Variants in G2E3 observed in about 807,000 individuals in gnomAD.
The protein encoded by G2E3 is G2/M phase-specific E3 ubiquitin-protein ligase.
A neutral mutation model predicts 92.8 loss-of-function variants in G2E3; 35 were observed. The ratio of observed to expected loss-of-function variants is 0.38; its 90% confidence interval spans 0.29 to 0.50. The LOEUF (loss-of-function observed/expected upper bound fraction) is 0.50, where lower values mean the gene tolerates loss of function less well. G2E3 is among the 20% of genes least tolerant of loss of function. The pLI is 0.94. For missense variants in G2E3, 554 were observed against 823.8 expected (o/e 0.67, Z 4.01); for synonymous variants, 242 against 272.4 (o/e 0.89, Z 1.10).
chr14:30,572,299 C>T (rs1461219936), intron 1 of G2E3, among the ~76,000 whole-genome samples: 2 of 152,092 alleles, frequency 1.3e-5, no homozygotes, highest in African/African-American at 4.8e-5. Flanking sequence ...ACAGTTTTGT[C>T]TTCTTTTCCC....
At chr14:30,593,769 A>G (rs1881135837) in intron 6 of G2E3, 130 bp downstream of exon 6, 1 of 652,596 alleles carries the variant, frequency 1.5e-6, no homozygotes, top group Non-Finnish European at 2.6e-6. Context: ...ACAGCTTTAA[A>G]GCACTTAATT....
chr14:30,581,058 TA>T lies in G2E3; in HGVS notation c.-4-16del. ...ACTTTTACAATTAAGATGACTGTAT[TA>T]ATGTTATTTTTCCTAGTAAAATGAA... On this transcript the variant is annotated splice_polypyrimidine_tract_variant and intron_variant, in intron 1 of 14. Coordinates refer to ENST00000206595, the MANE Select transcript of G2E3 (RefSeq NM_017769.5). 7.5e-7 allele frequency: 1 copy of T among 1,327,034 alleles called. No homozygotes were observed. The highest frequency in any genetic ancestry group is 1.1e-6 in the Non-Finnish European group (1 of 920,528). The allele number at this position is 1,327,034 out of a possible 1,614,324, so 82.2% of individuals were successfully genotyped here. A position where few individuals can be genotyped will look rare whatever the true frequency, so the allele number is the denominator to read the frequency against.
intron 1 of G2E3, chr14:30,559,576 C>G (rs1340780322): frequency 6.6e-6 from 1 of 152,092 alleles, no homozygotes; most frequent in Non-Finnish European, 1.5e-5. Flanking sequence ...TTTTTAAACC[C>G]GTAGTTTATT....
At chr14:30,564,623 C>G (rs1291013724) in intron 1 of G2E3, among the ~76,000 whole-genome samples, 2 of 152,180 alleles carry the variant, frequency 1.3e-5, no homozygotes, top group Non-Finnish European at 2.9e-5. Flanking sequence ...TGTGAGCCAC[C>G]ATGCCCAGTC....
chr14:30,609,276 G>A (rs534457792), intron 12 of G2E3, among the ~76,000 whole-genome samples: 34 of 151,674 alleles, frequency 2.2e-4, no homozygotes, highest in African/African-American at 7.3e-4. Flanking sequence ...TCTCTACTTC[G>A]TATTTCCTAT....
At chr14:30,581,740 C>CT in intron 2 of G2E3, among the ~76,000 whole-genome samples, 1 of 152,148 alleles carries the variant, frequency 6.6e-6, no homozygotes, top group African/African-American at 2.4e-5. Flanking sequence ...AAAAGGAAAA[C>CT]TTACCTCTAC....
At chr14:30,612,872 G>T (rs1296807390) in intron 13 of G2E3, among the ~76,000 whole-genome samples, 2 of 152,012 alleles carry the variant, frequency 1.3e-5, no homozygotes, top group Non-Finnish European at 2.9e-5. Context: ...AATGAAAAAA[G>T]AATTGTGTAA....
At position 30,616,973 on chromosome 14, in the gene G2E3, T is replaced by C. The variant is rs1882340511; in HGVS notation, c.*439T>C. The C allele has an allele frequency of 1.3e-5, 2 of 153,246 alleles. No individual in the cohort carries two copies. The highest frequency in any genetic ancestry group is 2.4e-5 in the African/African-American group (1 of 41,452). 9.5% of individuals were successfully genotyped at this position (153,246 alleles called of 1,614,324 possible). ...TAAAGCATTAAATAGAAAAGCTAAT[T>C]GGTTAAATTTTGTTATATAAATCAG... On this transcript the variant is annotated 3_prime_UTR_variant, in exon 15 of 15. Coordinates refer to ENST00000206595, the MANE Select transcript of G2E3 (RefSeq NM_017769.5).
At position 30,605,680 on chromosome 14, in the gene G2E3, A is replaced by T; in HGVS notation, c.1186A>T (p.Ile396Phe). 5 of 1,609,698 alleles carry T rather than the reference A, an allele frequency of 3.1e-6. No individual in the cohort carries two copies. Among genetic ancestry groups the T allele is most frequent in the Non-Finnish European group, 4.2e-6 (5 of 1,176,628 alleles). ...ATATGCAATTGAAGTAGCATATGTT[A>T]TTGAAAATGATAATTTTGGAAGTGA... ...PSYAIEVAYV[I>F]ENDNFGSEHP... is the part of the protein sequence containing the mutation. Residue 396 changes from isoleucine (I) to phenylalanine (F), a missense_variant, in exon 11 of 15, where the codon ATT becomes TTT. By Grantham distance (21) the Ile-to-Phe change is conservative. This residue lies in a region of G2E3 where 397 missense variants were observed against 560.3 expected (regional missense o/e 0.71). Coordinates refer to ENST00000206595, the MANE Select transcript of G2E3 (RefSeq NM_017769.5).
chr14:30,586,432 T>C (rs1880716601), intron 2 of G2E3, among the ~76,000 whole-genome samples: 1 of 152,222 alleles, frequency 6.6e-6, no homozygotes, highest in Non-Finnish European at 1.5e-5. Flanking sequence ...TTTGGCAGTT[T>C]AATCAGAGTT....
rs1231734375 is a variant in G2E3 at position 30,593,531 on chromosome 14, G to A, written c.420G>A (p.Glu140=). ...VQIITSNNYR[E]SLPCTICLEF... is the part of the protein sequence containing the mutation. ...TAATTACATCTAATAATTATAGAGA[G>A]TCCTTACCATGCACCATTTGCTTGG... Residue 140 remains glutamate, a synonymous_variant, in exon 6 of 15, where the codon GAG becomes GAA. Transcript: ENST00000206595. The A allele has an allele frequency of 1.9e-6, 3 of 1,563,008 alleles. No individual in the cohort carries two copies. Among genetic ancestry groups the A allele is most frequent in the Non-Finnish European group, 2.6e-6 (3 of 1,134,474 alleles).
intron 1 of G2E3, among the ~76,000 whole-genome samples, chr14:30,566,151 T>A (rs1302160783): frequency 6.6e-6 from 1 of 152,240 alleles, no homozygotes; most frequent in Non-Finnish European, 1.5e-5. Context: ...CCACATTGTC[T>A]TGATTACAGT....
intron 4 of G2E3, among the ~76,000 whole-genome samples, chr14:30,591,619 C>T (rs970163556): frequency 1.3e-5 from 2 of 152,142 alleles, no homozygotes; most frequent in African/African-American, 4.8e-5. Flanking sequence ...AGCATAACTC[C>T]AATCTGTTTC....
chr14:30,577,160 G>T (rs940443065), intron 1 of G2E3, among the ~76,000 whole-genome samples: 1 of 145,972 alleles, frequency 6.9e-6, no homozygotes, highest in Admixed American at 7.1e-5. Context: ...AGGAGGCGGA[G>T]GTTGCAGTGA....
intron 2 of G2E3, 104 bp downstream of exon 2, chr14:30,581,220 TTGTA>T: frequency 1.4e-6 from 1 of 704,626 alleles, no homozygotes; most frequent in Non-Finnish European, 2.6e-6. Context: ...CAAGCTTAGT[TTGTA>T]TGTCCACATA....
chr14:30,604,343 G>A (rs1389562341), intron 10 of G2E3, among the ~76,000 whole-genome samples: 2 of 152,248 alleles, frequency 1.3e-5, no homozygotes, highest in African/African-American at 4.8e-5. Flanking sequence ...ACGTCTTGGG[G>A]TGGGACAGAT....
intron 1 of G2E3, chr14:30,573,558 A>G (rs1879901954): frequency 6.6e-6 from 1 of 152,086 alleles, no homozygotes; most frequent in African/African-American, 2.4e-5. Flanking sequence ...CTGGAGACCC[A>G]GGAAAGTCCC....
intron 1 of G2E3, among the ~76,000 whole-genome samples, chr14:30,564,933 G>T (rs991408272): frequency 6.6e-6 from 1 of 152,128 alleles, no homozygotes; most frequent in Non-Finnish European, 1.5e-5. Flanking sequence ...TAGTGCTGCT[G>T]TGAACATATG....
At position 30,616,997 on chromosome 14, in the gene G2E3, AG is replaced by A. The variant is rs1480164953; in HGVS notation, c.*464del. ...TTGGTTAAATTTTGTTATATAAATC[AG>A]AGTCATATATTCTGGGATTTGTGTT... On this transcript the variant is annotated 3_prime_UTR_variant, in exon 15 of 15. Coordinates refer to ENST00000206595, the MANE Select transcript of G2E3 (RefSeq NM_017769.5). The A allele has an allele frequency of 6.5e-6, 1 of 153,388 alleles. No homozygotes were observed. Among genetic ancestry groups the A allele is most frequent in the African/African-American group, 2.4e-5 (1 of 41,594 alleles). The allele number at this position is 153,388 out of a possible 1,614,324, so 9.5% of individuals were successfully genotyped here. A position where few individuals can be genotyped will look rare whatever the true frequency, so the allele number is the denominator to read the frequency against.
Sources: gnomAD v4.1 joint callset for allele counts (sites outside exome capture counted in the v4.1 genomes callset) on GRCh38, gnomAD v4.1.1 for gene constraint, gnomAD v4.1.1 regional missense constraint, MANE v1.5 for transcripts, NCBI Gene and HGNC (gene_info 2026-07-23, HGNC 2026-07-21) for gene names.